The following CYB561 variants were observed in gnomAD, a reference collection of about 807,000 sequenced individuals.
CYB561 encodes transmembrane ascorbate-dependent reductase CYB561.
A neutral mutation model predicts 25.3 loss-of-function variants in CYB561; 11 were observed. The ratio of observed to expected loss-of-function variants is 0.44; its 90% confidence interval spans 0.27 to 0.72. The LOEUF (loss-of-function observed/expected upper bound fraction) is 0.72. CYB561 is among the 30% of genes least tolerant of loss of function. The probability of loss-of-function intolerance (pLI) is 0.18; values close to 1 mark genes in which losing one functional copy is unlikely to be tolerated. For missense variants in CYB561, 295 were observed against 334.9 expected, an observed-to-expected ratio of 0.88 and a Z score of 0.93; for synonymous variants, 165 against 158.8, an observed-to-expected ratio of 1.04 and a Z score of -0.29.
chr17:63,440,487 C>T (rs1398206409), intron 1 of CYB561, among the ~76,000 whole-genome samples: 2 of 152,198 alleles, frequency 1.3e-5, no homozygotes, highest in Non-Finnish European at 1.5e-5. Context: ...TCATGCTGTC[C>T]CCTGCGTAAG....
chr17:63,442,215 G>C (rs962678396), intron 1 of CYB561, among the ~76,000 whole-genome samples: 2 of 152,234 alleles, frequency 1.3e-5, no homozygotes, highest in Non-Finnish European at 2.9e-5. Flanking sequence ...GAGATAAGCG[G>C]AAGATCCCTT....
rs1599113285 is a variant in CYB561 at position 63,433,813 on chromosome 17, A to G, written c.*589T>C. On this transcript the variant is annotated 3_prime_UTR_variant, in exon 6 of 6. Transcript: ENST00000360793. ...AGGGTTAAAGAAGAGGAAGGTCAGG[A>G]CTACAGCTGGGCCACAGCCTCATCT... The G allele has an allele frequency of 5.6e-6, 1 of 177,492 alleles. No homozygotes were observed. Among genetic ancestry groups the G allele is most frequent in the East Asian group, 1.5e-4 (1 of 6,722 alleles). 11.0% of individuals were successfully genotyped at this position (177,492 alleles called of 1,614,324 possible). A position where few individuals can be genotyped will look rare whatever the true frequency, so the allele number is the denominator to read the frequency against.
At chr17:63,439,387 G>T (rs1317447139) in intron 1 of CYB561, 1 of 152,144 alleles carries the variant, frequency 6.6e-6, no homozygotes, top group Admixed American at 6.5e-5. Context: ...ATAAAAATTA[G>T]CCGGGCATGG....
rs2049299084 is a variant in CYB561 at position 63,436,225 on chromosome 17, G to C, written c.203-73C>G. ...GGCCTCCTGCCCCAGCAGCAAGGAG[G>C]CACCTTGGTGGAGAGGTGATGTGAG... is the stretch of plus-strand genomic sequence containing the variant. On this transcript the variant is annotated intron_variant, in intron 2 of 5. Transcript: ENST00000360793. This position sits in a 1 kb window ranked among gnomAD's most constrained non-coding sequence, Gnocchi z 4.8. 5.2e-6 allele frequency: 8 copies of C among 1,550,638 alleles called. No individual in the cohort carries two copies. The East Asian group carries it at 1.4e-4, about 27-fold the overall frequency.
rs767602462 is a variant in CYB561 at position 63,436,039 on chromosome 17, C to T, written c.301+15G>A. 26 of 1,613,818 alleles carry T rather than the reference C, an allele frequency of 1.6e-5. No homozygotes were observed. Among genetic ancestry groups the T allele is most frequent in the Middle Eastern group, 1.6e-4 (1 of 6,084 alleles). Reference sequence around the variant, plus strand: ...GGCAGGCAGGTGGCGGGGAAGGCCGCGCCCGGGAACTCACCAACCAGGGCG... The same window carrying T: ...GGCAGGCAGGTGGCGGGGAAGGCCGTGCCCGGGAACTCACCAACCAGGGCG... On this transcript the variant is annotated intron_variant, in intron 3 of 5. Coordinates refer to ENST00000360793, the MANE Select transcript of CYB561 (RefSeq NM_001915.4). The surrounding 1 kb of genome is among the most constrained non-coding windows in gnomAD (Gnocchi z 4.8).
chr17:63,435,869 T>C, intron 3 of CYB561, 78 bp from the exon 4 acceptor site: 1 of 1,579,514 alleles, frequency 6.3e-7, no homozygotes, highest in East Asian at 2.3e-5. Context: ...GGGAACCAGC[T>C]AGCGGGACTT....
Position 63,434,445 on chromosome 17 carries a change from T to G in CYB561, c.713A>C (p.Asp238Ala). 3 of 1,598,698 alleles carry G rather than the reference T, an allele frequency of 1.9e-6. No individual in the cohort carries two copies. Among genetic ancestry groups the G allele is most frequent in the Non-Finnish European group, 2.6e-6 (3 of 1,172,714 alleles). Residue 238 changes from aspartate (D) to alanine (A), a missense_variant, in exon 6 of 6, where the codon GAC (aspartate) becomes GCC (alanine). Coordinates refer to ENST00000360793, the MANE Select transcript of CYB561 (RefSeq NM_001915.4). Reference sequence around the variant, plus strand: ...ATCTCCCTCCGTCAGCGTCTTGAAGTCCATGGAGAGGGCCTGCTCTTCCGC... The same window carrying G: ...ATCTCCCTCCGTCAGCGTCTTGAAGGCCATGGAGAGGGCCTGCTCTTCCGC... ...SQAEEQALSM[D>A]FKTLTEGDSP...
Position 63,433,939 on chromosome 17 carries a change from C to T in CYB561, c.*463G>A, listed in dbSNP as rs1304643596. 2.2e-5 allele frequency: 4 copies of T among 178,224 alleles called. No homozygotes were observed. The highest frequency in any genetic ancestry group is 6.2e-5 in the Admixed American group (1 of 16,186). The allele number at this position is 178,224 out of a possible 1,614,324, so 11.0% of individuals were successfully genotyped here. A position where few individuals can be genotyped will look rare whatever the true frequency, so the allele number is the denominator to read the frequency against. On this transcript the variant is annotated 3_prime_UTR_variant, in exon 6 of 6. Transcript: ENST00000360793. Reference sequence around the variant, plus strand: ...TATCACTTGCTCCTCTGCCAAAGGCCGGGCCCATTTGTGCCACGTGTTATT... The same window carrying T: ...TATCACTTGCTCCTCTGCCAAAGGCTGGGCCCATTTGTGCCACGTGTTATT...
rs2049263836 is a variant in CYB561, at chr17:63,434,022, T to A, written c.*380A>T. On this transcript the variant is annotated 3_prime_UTR_variant, in exon 6 of 6. Coordinates refer to ENST00000360793, the MANE Select transcript of CYB561 (RefSeq NM_001915.4). ...AGCCATCGTGGCCTTTCCAGGCCTG[T>A]CCCTGAGGCCCCCCCAGTTTCCCCT... 1 of 238,646 alleles carries A rather than the reference T, an allele frequency of 4.2e-6. No homozygotes were observed. The highest frequency in any genetic ancestry group is 2.2e-5 in the African/African-American group (1 of 44,888). The allele number at this position is 238,646 out of a possible 1,614,324, so 14.8% of individuals were successfully genotyped here.
intron 4 of CYB561, 119 bp downstream of exon 4, chr17:63,435,569 C>G (rs1305066315): frequency 1.1e-6 from 1 of 885,500 alleles, no homozygotes; most frequent in African/African-American, 1.7e-5. Context: ...AGGCAGCTCT[C>G]TCACCTGCAC....
At chr17:63,443,053 G>A (rs538436867) in intron 1 of CYB561, among the ~76,000 whole-genome samples, 3 of 152,288 alleles carry the variant, frequency 2.0e-5, no homozygotes, top group South Asian at 4.1e-4. Context: ...CTGTGACTGC[G>A]GAAAGGCCGA....
intron 4 of CYB561, 161 bp from the exon 5 acceptor site, chr17:63,435,404 G>C: frequency 1.3e-6 from 1 of 766,516 alleles, no homozygotes; most frequent in Non-Finnish European, 2.1e-6. Context: ...AGCACTAAGC[G>C]CTTAGGGACA....
Position 63,436,138 on chromosome 17 carries a change from G to A in CYB561, c.217C>T (p.Arg73Cys), listed in dbSNP as rs543874201. ...CGTTTAGCTTCGTTCCTGAAGACACGGTAAACCAGCAGGGCTGTGGGAGGT... is the reference window on the plus strand; with the variant it reads ...CGTTTAGCTTCGTTCCTGAAGACACAGTAAACCAGCAGGGCTGTGGGAGGT... ...FLQGNALLVY[R>C]VFRNEAKRTT... Residue 73 changes from arginine (R) to cysteine (C), a missense_variant, in exon 3 of 6, where the codon CGT becomes TGT. Coordinates refer to ENST00000360793, the MANE Select transcript of CYB561 (RefSeq NM_001915.4). The surrounding 1 kb of genome is among the most constrained non-coding windows in gnomAD (Gnocchi z 4.8). 22 of 1,614,052 alleles carry A rather than the reference G, an allele frequency of 1.4e-5. No homozygotes were observed. The highest frequency in any genetic ancestry group is 1.2e-4 in the South Asian group (11 of 91,082).
At chr17:63,443,413 G>A (rs762253319) in intron 1 of CYB561, among the ~76,000 whole-genome samples, 22 of 152,274 alleles carry the variant, frequency 1.4e-4, no homozygotes, top group Admixed American at 1.2e-3. Context: ...CCAGGGACCC[G>A]GGGTATCCAG....
chr17:63,437,661 C>A (rs2049321958), intron 1 of CYB561, 101 bp from the exon 2 acceptor site: 12 of 903,004 alleles, frequency 1.3e-5, no homozygotes, highest in Non-Finnish European at 2.0e-5. Context: ...CACAGGCCCC[C>A]CGAGATGTAC....
Position 63,433,279 on chromosome 17 carries a change from G to C in CYB561, c.*1123C>G, listed in dbSNP as rs578128585. 3 of 397,730 alleles carry C rather than the reference G, an allele frequency of 7.5e-6. No individual in the cohort carries two copies. In the South Asian group the frequency reaches 3.9e-4, roughly 51 times the overall value. The allele number at this position is 397,730 out of a possible 1,614,324, so 24.6% of individuals were successfully genotyped here. A position where few individuals can be genotyped will look rare whatever the true frequency, so the allele number is the denominator to read the frequency against. On this transcript the variant is annotated 3_prime_UTR_variant, in exon 6 of 6. Coordinates refer to ENST00000360793, the MANE Select transcript of CYB561 (RefSeq NM_001915.4). ...GTCTTGATCTCCTGGCCTCGCACAC[G>C]ATCAGTGTTCTAATCACACTATTTC...
At chr17:63,437,996 C>T in intron 1 of CYB561, 3 of 1,245,200 alleles carry the variant, frequency 2.4e-6, no homozygotes, top group Non-Finnish European at 3.2e-6. Context: ...CCGAGGCTCC[C>T]GCTGGAAGCA....
At position 63,437,347 on chromosome 17, in the gene CYB561, A is replaced by T; in HGVS notation, c.201T>A (p.Asn67Lys). The T allele has an allele frequency of 6.2e-7, 1 of 1,612,592 alleles. No homozygotes were observed. Among genetic ancestry groups the T allele is most frequent in the Non-Finnish European group, 8.5e-7 (1 of 1,178,828 alleles). The change falls in exon 2 of 6, where the codon AAT becomes AAA. Residue 67 changes from asparagine (N) to lysine (K), a missense_variant and splice_region_variant. Coordinates refer to ENST00000360793, the MANE Select transcript of CYB561 (RefSeq NM_001915.4). ...AGAGGAGCGGCCCATGGGACTCACCATTTCCCTGCAGGAAGATCAGGCCTA... is the reference window on the plus strand; with the variant it reads ...AGAGGAGCGGCCCATGGGACTCACCTTTTCCCTGCAGGAAGATCAGGCCTA... ...MVIGLIFLQG[N>K]ALLVYRVFRN...
Position 63,433,070 on chromosome 17 carries a change from T to G in CYB561, c.*1332A>C, listed in dbSNP as rs948033914. 1.9e-4 allele frequency: 50 copies of G among 265,116 alleles called. No homozygotes were observed. Among genetic ancestry groups the G allele is most frequent in the African/African-American group, 1.0e-3 (47 of 45,244 alleles). 16.4% of individuals were successfully genotyped at this position (265,116 alleles called of 1,614,324 possible). A position where few individuals can be genotyped will look rare whatever the true frequency, so the allele number is the denominator to read the frequency against. ...TCGGTGTTCTTTTTTTTTTCTTTTT[T>G]GAGCCTGTCGCCCAGGCTGGAGTGC... On this transcript the variant is annotated 3_prime_UTR_variant, in exon 6 of 6. Transcript: ENST00000360793.
Sources: gnomAD v4.1 joint callset for allele counts (sites outside exome capture counted in the v4.1 genomes callset) on GRCh38, gnomAD v4.1.1 for gene constraint, Gnocchi (gnomAD v3.1) non-coding constraint, MANE v1.5 for transcripts, NCBI Gene and HGNC (gene_info 2026-07-23, HGNC 2026-07-21) for gene names.